GRM1: variants seen among roughly 807,000 people sequenced by gnomAD.
GRM1 encodes the protein metabotropic glutamate receptor 1.
A neutral mutation model predicts 90.9 loss-of-function variants in GRM1; 33 were observed. The ratio of observed to expected loss-of-function variants is 0.36; its 90% confidence interval spans 0.28 to 0.49. The LOEUF (loss-of-function observed/expected upper bound fraction) is 0.49, where lower values mean the gene tolerates loss of function less well. GRM1 is among the 20% of genes least tolerant of loss of function. The pLI, the probability that GRM1 is intolerant of heterozygous loss-of-function variation, is 0.99. For synonymous variants in GRM1, 700 were observed against 613.2 expected (o/e 1.14, Z -2.09); for missense variants, 1,190 against 1,534.3 (o/e 0.78, Z 3.75).
At chr6:146,160,379 A>G (rs1261636714) in intron 2 of GRM1, among the ~76,000 whole-genome samples, 1 of 152,192 alleles carries the variant, frequency 6.6e-6, no homozygotes, top group African/African-American at 2.4e-5. Flanking sequence ...GATGGTCATC[A>G]TCACTGGATT....
chr6:146,396,110 T>TCTATCTATCGTCTAC (rs1776924615), intron 6 of GRM1, among the ~76,000 whole-genome samples: 2 of 57,194 alleles, frequency 3.5e-5, no homozygotes, highest in Non-Finnish European at 9.3e-5. Flanking sequence ...CTATCGTCTA[T>TCTATCTATCGTCTAC]ATATATATAT....
intron 2 of GRM1, among the ~76,000 whole-genome samples, chr6:146,200,219 C>G (rs925399392): frequency 2.6e-5 from 4 of 152,178 alleles, no homozygotes; most frequent in African/African-American, 9.7e-5. Context: ...TGCTGCTCAT[C>G]TGTTTGTGCC....
chr6:146,316,377 A>G (rs1482879780), intron 3 of GRM1, among the ~76,000 whole-genome samples: 2 of 152,220 alleles, frequency 1.3e-5, no homozygotes, highest in Non-Finnish European at 2.9e-5. Context: ...AGGGACAATT[A>G]GTCACATTCG....
chr6:146,392,996 C>T (rs1776788674), intron 6 of GRM1, among the ~76,000 whole-genome samples: 1 of 151,852 alleles, frequency 6.6e-6, no homozygotes, highest in South Asian at 2.1e-4. Context: ...TGATACATAC[C>T]TGTGCATGTG....
At chr6:146,190,120 G>C (rs1005885252) in intron 2 of GRM1, among the ~76,000 whole-genome samples, 1 of 152,116 alleles carries the variant, frequency 6.6e-6, no homozygotes, top group South Asian at 2.1e-4. Flanking sequence ...CCATGCTAAA[G>C]CTGGACCTTT....
At chr6:146,184,261 A>G (rs371127395) in intron 2 of GRM1, among the ~76,000 whole-genome samples, 3 of 152,166 alleles carry the variant, frequency 2.0e-5, no homozygotes, top group African/African-American at 7.2e-5. Flanking sequence ...AAGAAAATAT[A>G]AAGGTCATTT....
intron 2 of GRM1, among the ~76,000 whole-genome samples, chr6:146,260,822 T>TG (rs1781667795): frequency 1.4e-5 from 2 of 140,300 alleles, no homozygotes; most frequent in South Asian, 4.7e-4. Context: ...TTTTTTTTTT[T>TG]TTTTTTTTTT....
chr6:146,284,721 A>G (rs1280504302), intron 2 of GRM1, among the ~76,000 whole-genome samples: 1 of 152,178 alleles, frequency 6.6e-6, no homozygotes. Context: ...CATGTAAGAC[A>G]TGCATTGCTT....
chr6:146,229,551 C>T (rs748137298), intron 2 of GRM1, among the ~76,000 whole-genome samples: 2 of 151,886 alleles, frequency 1.3e-5, no homozygotes, highest in African/African-American at 2.4e-5. Flanking sequence ...AAACTTTACC[C>T]ACTGAGTAAA....
intron 2 of GRM1, among the ~76,000 whole-genome samples, chr6:146,196,166 G>C (rs1026503021): frequency 6.6e-6 from 1 of 152,140 alleles, no homozygotes; most frequent in African/African-American, 2.4e-5. Flanking sequence ...TAAGTGATGG[G>C]TAATTATATG....
At chr6:146,419,515 T>C (rs1437503984) in intron 7 of GRM1, among the ~76,000 whole-genome samples, 1 of 152,196 alleles carries the variant, frequency 6.6e-6, no homozygotes, top group Non-Finnish European at 1.5e-5. Context: ...TTCAGGGCAC[T>C]ATATGGAGGC....
intron 2 of GRM1, among the ~76,000 whole-genome samples, chr6:146,204,419 C>T (rs1314521641): frequency 6.6e-6 from 1 of 151,968 alleles, no homozygotes; most frequent in African/African-American, 2.4e-5. Context: ...TAATTTACAC[C>T]CTTTAATTTG....
At chr6:146,371,592 C>T (rs1330171904) in intron 5 of GRM1, among the ~76,000 whole-genome samples, 3 of 152,042 alleles carry the variant, frequency 2.0e-5, no homozygotes, top group Non-Finnish European at 4.4e-5. Context: ...TACTCATTAA[C>T]CATCCCCATC....
intron 2 of GRM1, among the ~76,000 whole-genome samples, chr6:146,188,782 A>G (rs961935094): frequency 1.3e-5 from 2 of 152,184 alleles, no homozygotes; most frequent in African/African-American, 4.8e-5. Context: ...TAGACTACCC[A>G]TTTTAGTTCC....
At chr6:146,129,394 G>A (rs1776309432) in intron 1 of GRM1, among the ~76,000 whole-genome samples, 1 of 152,150 alleles carries the variant, frequency 6.6e-6, no homozygotes, top group African/African-American at 2.4e-5. Flanking sequence ...TCCCGTGTGT[G>A]TGTGAGTATG....
chr6:146,120,603 A>T (rs1012797622), intron 1 of GRM1, among the ~76,000 whole-genome samples: 1 of 152,198 alleles, frequency 6.6e-6, no homozygotes, highest in Non-Finnish European at 1.5e-5. Context: ...TTATTTTGAG[A>T]TACGTCCCAT....
chr6:146,159,249 C>A, intron 1 of GRM1, 99 bp from the exon 2 acceptor site: 2 of 1,435,074 alleles, frequency 1.4e-6, no homozygotes, highest in Non-Finnish European at 2.0e-6. Flanking sequence ...TTGGCAAGTC[C>A]GTTCTCTCCA....
At chr6:146,328,262 A>G (rs1784464325) in intron 3 of GRM1, among the ~76,000 whole-genome samples, 1 of 152,188 alleles carries the variant, frequency 6.6e-6, no homozygotes, top group African/African-American at 2.4e-5. Context: ...TGCAATTAAA[A>G]TAAAAGTGAT....
At chr6:146,311,727 A>G (rs774736576) in intron 3 of GRM1, among the ~76,000 whole-genome samples, 5 of 152,206 alleles carry the variant, frequency 3.3e-5, no homozygotes, top group Non-Finnish European at 7.3e-5. Context: ...TATAAACATA[A>G]TAGTAACAGT....
Sources: allele counts gnomAD v4.1 joint callset (sites outside exome capture counted in the v4.1 genomes callset), GRCh38; gene constraint gnomAD v4.1.1; transcripts MANE v1.5; gene names NCBI Gene and HGNC (gene_info 2026-07-23, HGNC 2026-07-21).